The following POU6F2 variants were observed in gnomAD, a reference collection of about 807,000 sequenced individuals.
The protein encoded by POU6F2 is POU domain, class 6, transcription factor 2.
Under a neutral mutation model 71.3 loss-of-function variants are expected in POU6F2, and 31 were observed. The ratio of observed to expected loss-of-function variants is 0.43; its 90% CI spans 0.33 to 0.59. The LOEUF (loss-of-function observed/expected upper bound fraction) is 0.59. Among genes scored for constraint, POU6F2 ranks in the 20% least tolerant of loss-of-function variants. POU6F2 has a pLI of 0.04. For missense variants in POU6F2, 783 were observed against 856.8 expected, an observed-to-expected ratio of 0.91 and a Z score of 1.07; for synonymous variants, 347 against 355.7, an observed-to-expected ratio of 0.98 and a Z score of 0.27.
chr7:39,107,695 A>G (rs1156838714), intron 2 of POU6F2, among the ~76,000 whole-genome samples: 1 of 152,096 alleles, frequency 6.6e-6, no homozygotes, highest in Non-Finnish European at 1.5e-5. Context: ...CCCCTACAAC[A>G]CACAAGCATA....
chr7:39,103,126 G>T (rs1331057735), intron 2 of POU6F2, among the ~76,000 whole-genome samples: 2 of 152,206 alleles, frequency 1.3e-5, no homozygotes, highest in Admixed American at 1.3e-4. Context: ...TGAGACTATG[G>T]TGAGAAGTTA....
intron 4 of POU6F2, among the ~76,000 whole-genome samples, chr7:39,306,782 T>C (rs1164846665): frequency 6.6e-6 from 1 of 152,260 alleles, no homozygotes; most frequent in East Asian, 1.9e-4. Flanking sequence ...TCAGCATGTC[T>C]GGAGCATGAT....
chr7:39,425,902 G>A (rs745309930), intron 6 of POU6F2, among the ~76,000 whole-genome samples: 5 of 152,304 alleles, frequency 3.3e-5, no homozygotes, highest in Non-Finnish European at 5.9e-5. Context: ...GCCCTGGAAC[G>A]AAAGCTCAGT....
chr7:39,301,477 T>TAAGGCTTTTTAACATGTGCTGCA (rs1562782359), intron 4 of POU6F2, among the ~76,000 whole-genome samples: 1 of 152,188 alleles, frequency 6.6e-6, no homozygotes, highest in East Asian at 1.9e-4. Context: ...CTGTTACCCG[T>TAAGGCTTTTTAACATGTGCTGCA]AGATCACACA....
intron 5 of POU6F2, among the ~76,000 whole-genome samples, chr7:39,364,873 C>T (rs1047368266): frequency 1.2e-4 from 19 of 152,206 alleles, no homozygotes; most frequent in African/African-American, 4.6e-4. Context: ...TACTGGTTTA[C>T]ATTCCTACCA....
intron 1 of POU6F2, among the ~76,000 whole-genome samples, chr7:39,080,384 A>G (rs969269956): frequency 5.9e-5 from 9 of 152,056 alleles, no homozygotes; most frequent in African/African-American, 1.4e-4. Context: ...TTTGATTTCA[A>G]TTTTTACCTC....
chr7:39,111,920 A>G (rs760964069), intron 2 of POU6F2, among the ~76,000 whole-genome samples: 42 of 152,284 alleles, frequency 2.8e-4, no homozygotes, highest in Admixed American at 3.9e-4. Flanking sequence ...CCAAACCCCA[A>G]TGGGTGGAAG....
intron 1 of POU6F2, among the ~76,000 whole-genome samples, chr7:38,981,863 C>T (rs560468677): frequency 6.6e-6 from 1 of 152,196 alleles, no homozygotes; most frequent in Non-Finnish European, 1.5e-5. Context: ...TTTGGCTTAA[C>T]AGTATCTCCA....
At chr7:39,350,488 T>G (rs1225504220) in intron 5 of POU6F2, among the ~76,000 whole-genome samples, 1 of 152,130 alleles carries the variant, frequency 6.6e-6, no homozygotes, top group Non-Finnish European at 1.5e-5. Flanking sequence ...AAAGGAATAT[T>G]CCTTAGAGCA....
chr7:39,349,352 TCA>T (rs754321053), intron 5 of POU6F2, among the ~76,000 whole-genome samples: 2 of 152,072 alleles, frequency 1.3e-5, no homozygotes, highest in Non-Finnish European at 2.9e-5. Flanking sequence ...TCTCTAGTGC[TCA>T]CACAACCGGA....
intron 2 of POU6F2, among the ~76,000 whole-genome samples, chr7:39,113,620 G>A (rs551025021): frequency 2.6e-5 from 4 of 152,268 alleles, no homozygotes; most frequent in Admixed American, 6.5e-5. Context: ...TGAAGAAGTC[G>A]TTGTGATATT....
intron 2 of POU6F2, among the ~76,000 whole-genome samples, chr7:39,192,346 T>G (rs1238617513): frequency 6.6e-6 from 1 of 152,194 alleles, no homozygotes; most frequent in African/African-American, 2.4e-5. Context: ...GATTTAAAAT[T>G]TTCATTCCCC....
chr7:39,123,834 C>T (rs761021465), intron 2 of POU6F2, among the ~76,000 whole-genome samples: 1 of 151,676 alleles, frequency 6.6e-6, no homozygotes, highest in Non-Finnish European at 1.5e-5. Context: ...ATTTCAACAA[C>T]TTCACATATG....
chr7:39,432,214 A>G (rs1788118153), intron 6 of POU6F2, among the ~76,000 whole-genome samples: 1 of 152,004 alleles, frequency 6.6e-6, no homozygotes, highest in Non-Finnish European at 1.5e-5. Context: ...GTCAGTCCCC[A>G]TGGTCCCTCG....
At chr7:39,350,336 C>T (rs1047680174) in intron 5 of POU6F2, among the ~76,000 whole-genome samples, 7 of 151,938 alleles carry the variant, frequency 4.6e-5, no homozygotes, top group African/African-American at 9.7e-5. Flanking sequence ...TTTAGGGGTC[C>T]GGGGAGAAGA....
intron 1 of POU6F2, among the ~76,000 whole-genome samples, chr7:39,033,732 C>A (rs1789999372): frequency 6.6e-6 from 1 of 152,164 alleles, no homozygotes. Context: ...ACTTACACAC[C>A]ACAGCCTAGT....
At chr7:39,185,230 G>A (rs772445167) in intron 2 of POU6F2, among the ~76,000 whole-genome samples, 1 of 152,094 alleles carries the variant, frequency 6.6e-6, no homozygotes, top group East Asian at 1.9e-4. Flanking sequence ...GGGGGGTGAA[G>A]GACAATAGTG....
At chr7:39,198,810 C>A (rs1793837609) in intron 2 of POU6F2, among the ~76,000 whole-genome samples, 1 of 152,122 alleles carries the variant, frequency 6.6e-6, no homozygotes, top group South Asian at 2.1e-4. Context: ...TTTATAGACA[C>A]CTCCACTCCC....
rs58426134 is a variant in POU6F2 at position 39,030,500 on chromosome 7, C to CTATATATA, written c.105+52479_105+52486dup. ...TCCTGTATTGAACTTTCAAAAAATACTATATATATATATATATATATATAT... is the reference window on the plus strand; with the variant it reads ...TCCTGTATTGAACTTTCAAAAAATACTATATATATATATATATATATATATATATATAT... On this transcript the variant is annotated intron_variant, in intron 1 of 9. Transcript: ENST00000518318. Among the ~76,000 whole-genome samples the CTATATATA allele has an allele frequency of 8.8e-3, 408 of 46,160 alleles. 6 individuals carry two copies. The highest frequency in any genetic ancestry group is 0.012 in the Non-Finnish European group (285 of 23,562). 30.3% of individuals were successfully genotyped at this position (46,160 alleles called of 152,430 possible).
Sources: gnomAD v4.1 joint callset for allele counts (sites outside exome capture counted in the v4.1 genomes callset) on GRCh38, gnomAD v4.1.1 for gene constraint, MANE v1.5 for transcripts, NCBI Gene and HGNC (gene_info 2026-07-23, HGNC 2026-07-21) for gene names.